Variants in HS2ST1 observed in about 807,000 individuals in gnomAD.
The protein encoded by HS2ST1 is heparan sulfate 2-O-sulfotransferase 1, also known as 2-O-sulfotransferase.
A neutral mutation model predicts 42.9 loss-of-function variants in HS2ST1; 18 were observed. The ratio of observed to expected loss-of-function variants is 0.42; its 90% CI spans 0.29 to 0.62. The LOEUF (loss-of-function observed/expected upper bound fraction) is 0.62, where lower values mean the gene tolerates loss of function less well. Among genes scored for constraint, HS2ST1 ranks in the 20% least tolerant of loss-of-function variants. HS2ST1 has a pLI of 0.21. For synonymous variants in HS2ST1, 146 were observed against 152.9 expected (o/e 0.95, Z 0.33); for missense variants, 334 against 433.8 (o/e 0.77, Z 2.04).
At chr1:86,927,132 C>T (rs1418990366) in intron 1 of HS2ST1, among the ~76,000 whole-genome samples, 1 of 152,156 alleles carries the variant, frequency 6.6e-6, no homozygotes, top group Non-Finnish European at 1.5e-5. Context: ...TGTTCAGAGG[C>T]TTCTTTCCTG....
chr1:86,916,980 A>T (rs919769728), intron 1 of HS2ST1, among the ~76,000 whole-genome samples: 7 of 152,176 alleles, frequency 4.6e-5, no homozygotes, highest in African/African-American at 1.7e-4. Flanking sequence ...TTTTTAAAAG[A>T]AAGTTATCTG....
At chr1:86,948,444 C>T (rs1647401421) in intron 1 of HS2ST1, among the ~76,000 whole-genome samples, 1 of 152,164 alleles carries the variant, frequency 6.6e-6, no homozygotes, top group African/African-American at 2.4e-5. Context: ...TGTACCACTG[C>T]GCCTGCCAAG....
chr1:87,025,487 G>A (rs190868112), intron 1 of HS2ST1, among the ~76,000 whole-genome samples: 2 of 152,294 alleles, frequency 1.3e-5, no homozygotes, highest in African/African-American at 4.8e-5. Flanking sequence ...ACAAAGCAGA[G>A]TATAAAAGGG....
At chr1:87,084,072 C>T (rs1651757572) in intron 2 of HS2ST1, 122 bp from the exon 3 acceptor site, 1 of 557,046 alleles carries the variant, frequency 1.8e-6, no homozygotes, top group African/African-American at 1.9e-5. Context: ...TAGTCCAAAC[C>T]TGTGTTTCAA....
intron 1 of HS2ST1, among the ~76,000 whole-genome samples, chr1:87,001,661 G>A (rs984198128): frequency 6.6e-5 from 10 of 151,984 alleles, no homozygotes; most frequent in African/African-American, 1.7e-4. Flanking sequence ...TTGCCGAGTC[G>A]GGAGTGCAAT....
intron 1 of HS2ST1, among the ~76,000 whole-genome samples, chr1:87,026,673 G>T (rs976278226): frequency 6.6e-6 from 1 of 151,876 alleles, no homozygotes; most frequent in Non-Finnish European, 1.5e-5. Flanking sequence ...AAGTTCATTG[G>T]CATTTCACAG....
At chr1:87,044,854 A>C in intron 1 of HS2ST1, 1 of 916,672 alleles carries the variant, frequency 1.1e-6, no homozygotes, top group Admixed American at 2.7e-5. Flanking sequence ...CCTTTGGAAC[A>C]AAGGACATAA....
rs1039453224 is a variant in HS2ST1, at chr1:87,107,203, C to A, written c.*2507C>A. 2 of 152,020 alleles carry A rather than the reference C, an allele frequency of 1.3e-5. No individual in the cohort carries two copies. Among genetic ancestry groups the A allele is most frequent in the Non-Finnish European group, 2.9e-5 (2 of 67,928 alleles). The allele number at this position is 152,020 out of a possible 1,614,324, so 9.4% of individuals were successfully genotyped here. A position where few individuals can be genotyped will look rare whatever the true frequency, so the allele number is the denominator to read the frequency against. On this transcript the variant is annotated 3_prime_UTR_variant, in exon 7 of 7. Coordinates refer to ENST00000370550, the MANE Select transcript of HS2ST1 (RefSeq NM_012262.4). The stretch of plus-strand genomic sequence containing the variant: ...GATGCCTAAAAGAGTTTATATACTT[C>A]TAAAAGCTCCTAACTTATATCCAAA...
chr1:86,958,190 T>C (rs1344455570), intron 1 of HS2ST1, among the ~76,000 whole-genome samples: 1 of 152,254 alleles, frequency 6.6e-6, no homozygotes, highest in Non-Finnish European at 1.5e-5. Flanking sequence ...CACATGTAAC[T>C]TTTGACTTTC....
chr1:87,076,433 T>C (rs1651546547), intron 2 of HS2ST1, among the ~76,000 whole-genome samples: 2 of 152,224 alleles, frequency 1.3e-5, no homozygotes, highest in African/African-American at 4.8e-5. Flanking sequence ...AAAATGTTAA[T>C]AATTAGTGAA....
At chr1:86,945,035 T>C (rs1320669777) in intron 1 of HS2ST1, among the ~76,000 whole-genome samples, 3 of 152,142 alleles carry the variant, frequency 2.0e-5, no homozygotes, top group Non-Finnish European at 4.4e-5. Context: ...CTCTAAATTT[T>C]CTTGACGGTT....
At chr1:86,988,380 T>C (rs1246860927) in intron 1 of HS2ST1, among the ~76,000 whole-genome samples, 2 of 152,258 alleles carry the variant, frequency 1.3e-5, no homozygotes, top group African/African-American at 4.8e-5. Context: ...CCAGACATTC[T>C]GCTTTGCTTA....
chr1:86,973,488 G>T (rs1277392087), intron 1 of HS2ST1, among the ~76,000 whole-genome samples: 1 of 152,024 alleles, frequency 6.6e-6, no homozygotes, highest in Non-Finnish European at 1.5e-5. Context: ...GTGAAGTTGT[G>T]CAAGTTGCTT....
In HS2ST1 at chr1:87,092,664, A is replaced by C. The variant is rs768493387; in HGVS notation, c.583A>C (p.Lys195Gln). The C allele has an allele frequency of 1.3e-6, 2 of 1,525,986 alleles. No homozygotes were observed. The highest frequency in any genetic ancestry group is 1.8e-6 in the Non-Finnish European group (2 of 1,141,700). The allele number at this position is 1,525,986 out of a possible 1,614,324, so 94.5% of individuals were successfully genotyped here. The change falls in exon 4 of 7, where the codon AAA (lysine) becomes CAA (glutamine). Residue 195 changes from lysine to glutamine, a missense_variant. Lys to Gln is a moderately conservative substitution (Grantham distance 53). Coordinates refer to ENST00000370550, the MANE Select transcript of HS2ST1 (RefSeq NM_012262.4). The stretch of plus-strand genomic sequence containing the variant: ...GTTACGGAGACGAAAACAAGGAGAC[A>C]AAAAGGTAATATTTTAGTTTTAAGA... ...PGLRRRKQGD[K>Q]KTFDECVAEG... is the part of the protein sequence containing the mutation.
chr1:87,080,398 A>G lies in HS2ST1; in HGVS notation c.364-3796A>G, dbSNP rs79056697. On this transcript the variant is annotated intron_variant, in intron 2 of 6. Transcript: ENST00000370550. Reference sequence around the variant, plus strand: ...AACAGAGCTTTGAGATGTTGGAGAGATGGAGTAGTTTTGAACGACTGGATC... The same window carrying G: ...AACAGAGCTTTGAGATGTTGGAGAGGTGGAGTAGTTTTGAACGACTGGATC... 2.7e-3 allele frequency among the ~76,000 whole-genome samples: 409 copies of G among 152,300 alleles called. 1 individual carries two copies. Among genetic ancestry groups the G allele is most frequent in the African/African-American group, 9.4e-3 (390 of 41,568 alleles).
intron 1 of HS2ST1, among the ~76,000 whole-genome samples, chr1:86,969,403 T>C (rs922962990): frequency 1.1e-4 from 17 of 152,218 alleles, no homozygotes; most frequent in South Asian, 2.1e-4. Flanking sequence ...TGTGTGTGTG[T>C]GCGCACGTGC....
At chr1:87,034,706 A>G (rs1018949687) in intron 1 of HS2ST1, among the ~76,000 whole-genome samples, 3 of 152,194 alleles carry the variant, frequency 2.0e-5, no homozygotes, top group African/African-American at 7.2e-5. Context: ...AAAAGACAAT[A>G]AAAAATAGTT....
At chr1:86,933,442 T>A (rs1235534672) in intron 1 of HS2ST1, among the ~76,000 whole-genome samples, 3 of 152,238 alleles carry the variant, frequency 2.0e-5, no homozygotes, top group Non-Finnish European at 2.9e-5. Context: ...AGTCTGCTGT[T>A]GAATCCGTCA....
intron 1 of HS2ST1, among the ~76,000 whole-genome samples, chr1:87,055,752 A>G (rs555087414): frequency 1.2e-3 from 186 of 152,312 alleles, no homozygotes; most frequent in Middle Eastern, 3.4e-3. Context: ...TCCTTATGGT[A>G]AAAAGCATTG....
Sources: allele counts gnomAD v4.1 joint callset (sites outside exome capture counted in the v4.1 genomes callset), GRCh38; gene constraint gnomAD v4.1.1; transcripts MANE v1.5; gene names NCBI Gene and HGNC (gene_info 2026-07-23, HGNC 2026-07-21).